DIAPH2: variants seen among roughly 807,000 people sequenced by gnomAD.
The protein encoded by DIAPH2 is diaphanous related formin 2, also known as protein diaphanous homolog 2.
DIAPH2 carries 35 observed loss-of-function variants against 92.7 expected under a neutral mutation model. The observed-to-expected ratio is 0.38, with a 90% CI of 0.29 to 0.50. The LOEUF (loss-of-function observed/expected upper bound fraction) is 0.50. Among genes scored for constraint, DIAPH2 ranks in the 20% least tolerant of loss-of-function variants. The pLI is 0.94. For synonymous variants in DIAPH2, 301 were observed against 280.4 expected (o/e 1.07, Z -0.73); for missense variants, 701 against 819.5 (o/e 0.86, Z 1.77).
chrX:97,223,246 T>C (rs1447260794), intron 22 of DIAPH2, among the ~76,000 whole-genome samples: 5 of 111,818 alleles, frequency 4.5e-5, no homozygotes, highest in Non-Finnish European at 5.6e-5. Context: ...TTGACTGTTA[T>C]ATATATGGCT....
intron 22 of DIAPH2, among the ~76,000 whole-genome samples, chrX:97,173,519 A>C (rs1230319628): frequency 8.9e-6 from 1 of 112,348 alleles, no homozygotes; most frequent in Non-Finnish European, 1.9e-5. Context: ...CATGAAAATC[A>C]CTAGCATATG....
chrX:97,352,944 T>A (rs1193958711), intron 24 of DIAPH2, among the ~76,000 whole-genome samples: 5 of 106,629 alleles, frequency 4.7e-5, no homozygotes, highest in Non-Finnish European at 9.7e-5. Flanking sequence ...TTAAGTTGCA[T>A]ATTTTGTGGA....
rs546020564 is a variant in DIAPH2 at position 97,491,878 on chromosome X, A to G, written c.3241+62133A>G. Among the ~76,000 whole-genome samples, 66 of 110,872 alleles carry G rather than the reference A, an allele frequency of 6.0e-4. No individual in the cohort carries two copies. The South Asian group carries it at 0.025, about 42-fold the overall frequency. ...CTTCTATTTCTTTTGTGTATCTTCTATAGTTAATTTCTTTATGATTACCAT... is the reference window on the plus strand; with the variant it reads ...CTTCTATTTCTTTTGTGTATCTTCTGTAGTTAATTTCTTTATGATTACCAT... On this transcript the variant is annotated intron_variant, in intron 26 of 26. Transcript: ENST00000324765.
chrX:97,568,558 A>C (rs984134680), intron 26 of DIAPH2, among the ~76,000 whole-genome samples: 4 of 111,678 alleles, frequency 3.6e-5, no homozygotes, highest in Non-Finnish European at 7.5e-5. Context: ...TGATATTGGA[A>C]ATGTGCACCA....
At chrX:97,025,919 C>T (rs904399497) in intron 17 of DIAPH2, among the ~76,000 whole-genome samples, 3 of 111,632 alleles carry the variant, frequency 2.7e-5, no homozygotes, top group Non-Finnish European at 3.8e-5. Context: ...ATGTTGATAT[C>T]CTTGGACTCT....
At chrX:96,766,621 G>T (rs1249511890) in intron 4 of DIAPH2, among the ~76,000 whole-genome samples, 2 of 111,960 alleles carry the variant, frequency 1.8e-5, no homozygotes, top group East Asian at 2.8e-4. Context: ...AATTTATAGA[G>T]GTGTTTCAAA....
At chrX:97,342,704 C>CA (rs768417854) in intron 23 of DIAPH2, among the ~76,000 whole-genome samples, 2 of 110,819 alleles carry the variant, frequency 1.8e-5, no homozygotes, top group Non-Finnish European at 3.8e-5. Flanking sequence ...GAAAGGTAGG[C>CA]AATAAACAGA....
intron 2 of DIAPH2, among the ~76,000 whole-genome samples, chrX:96,737,426 ATTGTT>A (rs1382691172): frequency 8.9e-6 from 1 of 111,937 alleles, no homozygotes; most frequent in African/African-American, 3.2e-5. Context: ...TGCTCTTTGT[ATTGTT>A]GAAGTAATTA....
intron 2 of DIAPH2, among the ~76,000 whole-genome samples, chrX:96,737,146 C>T (rs182269890): frequency 9.0e-6 from 1 of 111,576 alleles, no homozygotes; most frequent in South Asian, 3.7e-4. Flanking sequence ...AGGAAAATCA[C>T]CTTCTCTGTG....
At chrX:97,357,543 G>A (rs1602532555) in intron 24 of DIAPH2, among the ~76,000 whole-genome samples, 1 of 108,669 alleles carries the variant, frequency 9.2e-6, no homozygotes, top group African/African-American at 3.4e-5. Flanking sequence ...CCATTTCGGT[G>A]TAGATTACCC....
chrX:96,925,619 G>T (rs1043772243), intron 9 of DIAPH2, among the ~76,000 whole-genome samples: 10 of 111,352 alleles, frequency 9.0e-5, no homozygotes, highest in African/African-American at 2.9e-4. Flanking sequence ...GCTTTTCTCA[G>T]AAATGCACTT....
At chrX:97,070,109 T>C (rs893116432) in intron 17 of DIAPH2, among the ~76,000 whole-genome samples, 5 of 111,515 alleles carry the variant, frequency 4.5e-5, no homozygotes, top group Non-Finnish European at 9.4e-5. Flanking sequence ...CAGACAGTAT[T>C]TTATAATGTT....
chrX:97,112,622 A>C (rs1433001849), intron 20 of DIAPH2, among the ~76,000 whole-genome samples: 1 of 109,468 alleles, frequency 9.1e-6, no homozygotes, highest in Non-Finnish European at 1.9e-5. Context: ...CTTTAGATAC[A>C]TTGTTTCCAA....
At chrX:97,422,223 C>T (rs867387238) in intron 25 of DIAPH2, among the ~76,000 whole-genome samples, 1 of 110,801 alleles carries the variant, frequency 9.0e-6, no homozygotes, top group Non-Finnish European at 1.9e-5. Context: ...ACACACAGTG[C>T]ACATGTATGT....
intron 26 of DIAPH2, among the ~76,000 whole-genome samples, chrX:97,448,392 A>G (rs1286089931): frequency 2.7e-5 from 3 of 112,287 alleles, no homozygotes; most frequent in African/African-American, 6.5e-5. Flanking sequence ...ACATGAAACT[A>G]AAAATTATTT....
chrX:97,358,124 G>C (rs1274704881), intron 24 of DIAPH2, among the ~76,000 whole-genome samples: 1 of 112,103 alleles, frequency 8.9e-6, no homozygotes, highest in Admixed American at 9.5e-5. Flanking sequence ...CATATGCTTA[G>C]ATGAGCAGTA....
chrX:97,313,058 G>A (rs1232991717), intron 23 of DIAPH2, among the ~76,000 whole-genome samples: 2 of 110,531 alleles, frequency 1.8e-5, no homozygotes, highest in East Asian at 5.7e-4. Context: ...GGTGGCGGGT[G>A]CCTGTAGTCC....
chrX:97,465,273 C>CACACACACACACA (rs1569404531), intron 26 of DIAPH2, among the ~76,000 whole-genome samples: 1,352 of 106,841 alleles, frequency 0.013, 22 homozygotes, highest in African/African-American at 0.043. Context: ...TAGAATTCAC[C>CACACACACACACA]CACACACACA....
chrX:96,826,058 A>G (rs2064813656), intron 4 of DIAPH2, among the ~76,000 whole-genome samples: 2 of 111,634 alleles, frequency 1.8e-5, no homozygotes. Flanking sequence ...TTATATCACT[A>G]TTTGGCTCAT....
Sources: gnomAD v4.1 joint callset for allele counts (sites outside exome capture counted in the v4.1 genomes callset) on GRCh38, gnomAD v4.1.1 for gene constraint, MANE v1.5 for transcripts, NCBI Gene and HGNC (gene_info 2026-07-23, HGNC 2026-07-21) for gene names.